Variants in HS3ST2 observed in about 807,000 individuals in gnomAD.
The protein encoded by HS3ST2 is heparan sulfate glucosamine 3-O-sulfotransferase 2.
A neutral mutation model predicts 26.3 loss-of-function variants in HS3ST2; 17 were observed. The observed-to-expected ratio is 0.65, with a 90% confidence interval of 0.44 to 0.97. The LOEUF (loss-of-function observed/expected upper bound fraction) is 0.97. HS3ST2 is among the 50% of genes least tolerant of loss of function. The probability of loss-of-function intolerance (pLI) is 0.00; values close to 1 mark genes in which losing one functional copy is unlikely to be tolerated. For synonymous variants in HS3ST2, 237 were observed against 219.2 expected (o/e 1.08, Z -0.72); for missense variants, 402 against 501.2 (o/e 0.80, Z 1.89).
At chr16:22,906,298 G>C (rs1202709099) in intron 1 of HS3ST2, among the ~76,000 whole-genome samples, 1 of 152,062 alleles carries the variant, frequency 6.6e-6, no homozygotes, top group Non-Finnish European at 1.5e-5. Context: ...TTGAACCTGG[G>C]AGGTGGAAGT....
chr16:22,815,221 G>A, intron 1 of HS3ST2, 126 bp downstream of exon 1: 1 of 1,204,374 alleles, frequency 8.3e-7, no homozygotes, highest in Non-Finnish European at 1.1e-6. Flanking sequence ...CTGACACACA[G>A]GGCCATGGGG....
At chr16:22,875,812 A>C (rs1454718879) in intron 1 of HS3ST2, among the ~76,000 whole-genome samples, 2 of 152,176 alleles carry the variant, frequency 1.3e-5, no homozygotes, top group African/African-American at 4.8e-5. Flanking sequence ...AAGTGCCCTT[A>C]TAGGTATACC....
chr16:22,877,272 C>A (rs535860203), intron 1 of HS3ST2, among the ~76,000 whole-genome samples: 1 of 152,194 alleles, frequency 6.6e-6, no homozygotes, highest in East Asian at 1.9e-4. Flanking sequence ...CCCCAAAGAG[C>A]CTTCTGTCTG....
intron 1 of HS3ST2, among the ~76,000 whole-genome samples, chr16:22,893,618 T>C (rs1902161019): frequency 7.3e-6 from 1 of 137,122 alleles, no homozygotes; most frequent in South Asian, 2.4e-4. Context: ...GCTTTTCTTT[T>C]TTCTTTTTTT....
intron 1 of HS3ST2, among the ~76,000 whole-genome samples, chr16:22,817,893 C>G (rs201015359): frequency 1.1e-5 from 1 of 91,016 alleles, no homozygotes; most frequent in African/African-American, 6.0e-5. Flanking sequence ...AAAGGAGGGG[C>G]TTCTTTCTGT....
intron 1 of HS3ST2, among the ~76,000 whole-genome samples, chr16:22,877,048 G>A (rs1399772984): frequency 6.6e-6 from 1 of 152,062 alleles, no homozygotes; most frequent in Non-Finnish European, 1.5e-5. Context: ...TGGGTGACAG[G>A]TGCACCAAAA....
At chr16:22,894,626 A>G (rs1400621377) in intron 1 of HS3ST2, among the ~76,000 whole-genome samples, 1 of 151,922 alleles carries the variant, frequency 6.6e-6, no homozygotes, top group Non-Finnish European at 1.5e-5. Context: ...GGCCGGGTGC[A>G]GTGACTCACG....
At chr16:22,872,384 A>G (rs1901850695) in intron 1 of HS3ST2, among the ~76,000 whole-genome samples, 1 of 151,830 alleles carries the variant, frequency 6.6e-6, no homozygotes, top group Non-Finnish European at 1.5e-5. Flanking sequence ...CTGCTCTTGG[A>G]TAATATTTGA....
intron 1 of HS3ST2, among the ~76,000 whole-genome samples, chr16:22,904,131 C>T (rs1902317603): frequency 6.6e-6 from 1 of 152,178 alleles, no homozygotes; most frequent in Admixed American, 6.5e-5. Flanking sequence ...CAGGGATAAC[C>T]TTTCCCACCA....
chr16:22,818,676 C>CT (rs201419737), intron 1 of HS3ST2, among the ~76,000 whole-genome samples: 14 of 135,540 alleles, frequency 1.0e-4, no homozygotes, highest in African/African-American at 4.5e-4. Flanking sequence ...TCCTTCCTTC[C>CT]TCCCTCCCTC....
chr16:22,885,057 T>C (rs754611009), intron 1 of HS3ST2, among the ~76,000 whole-genome samples: 19 of 152,028 alleles, frequency 1.2e-4, no homozygotes, highest in African/African-American at 3.9e-4. Context: ...GCCAGGCTGG[T>C]CTTGAACTCC....
At chr16:22,914,868 A>G in intron 1 of HS3ST2, 76 bp from the exon 2 acceptor site, 1 of 1,473,404 alleles carries the variant, frequency 6.8e-7, no homozygotes. Context: ...CCCTGGGTGG[A>G]AGGGCTGATG....
intron 1 of HS3ST2, among the ~76,000 whole-genome samples, chr16:22,874,379 C>T (rs1358948951): frequency 6.6e-6 from 1 of 152,208 alleles, no homozygotes; most frequent in Non-Finnish European, 1.5e-5. Flanking sequence ...CTCCACGTCC[C>T]ATCTGCAAGT....
intron 1 of HS3ST2, among the ~76,000 whole-genome samples, chr16:22,913,163 G>C (rs965617768): frequency 2.3e-5 from 3 of 129,862 alleles, no homozygotes; most frequent in African/African-American, 9.2e-5. Context: ...AGGGAGGGAG[G>C]GAGGGAGGGA....
chr16:22,881,606 A>T (rs1901991458), intron 1 of HS3ST2, among the ~76,000 whole-genome samples: 1 of 152,224 alleles, frequency 6.6e-6, no homozygotes, highest in African/African-American at 2.4e-5. Flanking sequence ...AGAGGTCAAC[A>T]TAAGGGAAGA....
At chr16:22,837,060 T>A (rs1164970513) in intron 1 of HS3ST2, among the ~76,000 whole-genome samples, 1 of 152,126 alleles carries the variant, frequency 6.6e-6, no homozygotes, top group African/African-American at 2.4e-5. Context: ...AGGTTCATTT[T>A]TTTCCCCTTT....
chr16:22,868,984 C>T (rs1027550710), intron 1 of HS3ST2, among the ~76,000 whole-genome samples: 2 of 151,858 alleles, frequency 1.3e-5, no homozygotes, highest in African/African-American at 4.8e-5. Flanking sequence ...TAAATGCTGT[C>T]CCTTGCTGAT....
At chr16:22,869,268 G>A (rs944024029) in intron 1 of HS3ST2, among the ~76,000 whole-genome samples, 5 of 152,138 alleles carry the variant, frequency 3.3e-5, no homozygotes, top group Admixed American at 2.6e-4. Flanking sequence ...AGGCAGCATC[G>A]TGTTGTAGTT....
At chr16:22,881,871 T>C (rs1199232612) in intron 1 of HS3ST2, among the ~76,000 whole-genome samples, 1 of 152,172 alleles carries the variant, frequency 6.6e-6, no homozygotes, top group Non-Finnish European at 1.5e-5. Flanking sequence ...GAAAGAAGAA[T>C]AGGCCAGTGG....
Sources: allele counts gnomAD v4.1 joint callset (sites outside exome capture counted in the v4.1 genomes callset), GRCh38; gene constraint gnomAD v4.1.1; transcripts MANE v1.5; gene names NCBI Gene and HGNC (gene_info 2026-07-23, HGNC 2026-07-21).